ITIH4: variants seen among roughly 807,000 people sequenced by gnomAD.
ITIH4 encodes inter-alpha-trypsin inhibitor heavy chain H4.
Under a neutral mutation model 111.8 loss-of-function variants are expected in ITIH4, and 79 were observed. The ratio of observed to expected loss-of-function variants is 0.71; its 90% CI spans 0.59 to 0.85. The LOEUF (loss-of-function observed/expected upper bound fraction) is 0.85. Ranked by LOEUF, ITIH4 falls within the 40% of genes least tolerant of loss-of-function variation. ITIH4 has a pLI of 0.00. For missense variants in ITIH4, 1,065 were observed against 1,195.8 expected (o/e 0.89, Z 1.61); for synonymous variants, 472 against 468.3 (o/e 1.01, Z -0.10).
intron 14 of ITIH4, 50 bp downstream of exon 14, chr3:52,820,241 T>G: frequency 1.2e-6 from 2 of 1,613,116 alleles, no homozygotes; most frequent in Non-Finnish European, 1.7e-6. Context: ...CTGGACCCTG[T>G]GTTAGCAGAC....
At chr3:52,819,302 G>T in intron 17 of ITIH4, 91 bp downstream of exon 17, 1 of 1,467,500 alleles carries the variant, frequency 6.8e-7, no homozygotes, top group Non-Finnish European at 9.4e-7. Context: ...CTGGCCCTGT[G>T]GTGCGTGCTT....
At chr3:52,813,800 T>C (rs536106391) in intron 23 of ITIH4, among the ~76,000 whole-genome samples, 175 bp downstream of exon 23, 2 of 152,274 alleles carry the variant, frequency 1.3e-5, no homozygotes, top group Admixed American at 1.3e-4. Flanking sequence ...TGGCCATCCA[T>C]CTTTTGTGGG....
Position 52,824,726 on chromosome 3 carries a change from G to T in ITIH4, c.876+116C>A. 8.1e-7 allele frequency: 1 copy of T among 1,240,908 alleles called. No individual in the cohort carries two copies. Among genetic ancestry groups the T allele is most frequent in the Non-Finnish European group, 1.1e-6 (1 of 880,200 alleles). 76.9% of individuals were successfully genotyped at this position (1,240,908 alleles called of 1,614,324 possible). A position where few individuals can be genotyped will look rare whatever the true frequency, so the allele number is the denominator to read the frequency against. ...CTCTGGCCAACCTTGGTTCCTGAGAGCCACCCGCCCCATGGTGCCGAAAGG... is the reference window on the plus strand; with the variant it reads ...CTCTGGCCAACCTTGGTTCCTGAGATCCACCCGCCCCATGGTGCCGAAAGG... On this transcript the variant is annotated intron_variant, in intron 7 of 23. Coordinates refer to ENST00000266041, the MANE Select transcript of ITIH4 (RefSeq NM_002218.5). This position sits in a 1 kb window ranked among gnomAD's most constrained non-coding sequence, Gnocchi z 4.3.
chr3:52,826,158 G>C, intron 5 of ITIH4, 144 bp from the exon 6 acceptor site: 1 of 1,172,716 alleles, frequency 8.5e-7, no homozygotes, highest in Non-Finnish European at 1.2e-6. Context: ...TTCAGGCTGA[G>C]TTATTGATGG....
intron 6 of ITIH4, among the ~76,000 whole-genome samples, chr3:52,825,631 G>C (rs1274581881): frequency 6.6e-6 from 1 of 152,170 alleles, no homozygotes; most frequent in Non-Finnish European, 1.5e-5. Flanking sequence ...AAACTGAGTT[G>C]TGAGCCTCCC....
At chr3:52,821,782 C>T (rs1388121219) in intron 11 of ITIH4, among the ~76,000 whole-genome samples, 2 of 152,124 alleles carry the variant, frequency 1.3e-5, no homozygotes, top group African/African-American at 4.8e-5. Context: ...GAAATGGGCT[C>T]CTAGGGCAGA....
At chr3:52,829,019 C>T in intron 2 of ITIH4, 100 bp downstream of exon 2, 1 of 1,139,136 alleles carries the variant, frequency 8.8e-7, no homozygotes, top group African/African-American at 1.6e-5. Flanking sequence ...GATGTACACC[C>T]TGGCATGCCT....
rs1380447660 is a variant in ITIH4, at chr3:52,824,222, AT to A, written c.1138del (p.Ile380SerfsTer27). 2.5e-6 allele frequency: 4 copies of A among 1,613,330 alleles called. No individual in the cohort carries two copies. The highest frequency in any genetic ancestry group is 3.4e-6 in the Non-Finnish European group (4 of 1,180,014). Reference protein sequence around the residue: ...ERLPEGSVSLIILLTDGDPTV... With the variant: ...ERLPEGSVSLXILLTDGDPTV... Reference sequence around the variant, plus strand: ...GGGGTCGCCATCGGTGAGCAGGATGATGAGTGAGACACTCCCTTCGGGCAGC... The same window carrying A: ...GGGGTCGCCATCGGTGAGCAGGATGAGAGTGAGACACTCCCTTCGGGCAGC... On this transcript the variant is annotated frameshift_variant, in exon 9 of 24. Transcript: ENST00000266041. LOFTEE classifies it high-confidence loss of function. This position sits in a 1 kb window ranked among gnomAD's most constrained non-coding sequence, Gnocchi z 4.3.
In ITIH4 at chr3:52,817,067, A is replaced by C; in HGVS notation, c.2297-9T>G. The stretch of plus-strand genomic sequence containing the variant: ...GCCAGTCACCTCAACCCCTGGGAGG[A>C]CCAGACCAGAGAGGTCATAGCTGGG... On this transcript the variant is annotated splice_polypyrimidine_tract_variant and intron_variant, in intron 20 of 23. Transcript: ENST00000266041. The C allele has an allele frequency of 1.9e-6, 3 of 1,611,192 alleles. No individual in the cohort carries two copies. Among genetic ancestry groups the C allele is most frequent in the Non-Finnish European group, 2.5e-6 (3 of 1,178,524 alleles).
At chr3:52,823,331 T>G (rs980200300) in intron 11 of ITIH4, 1 of 558,796 alleles carries the variant, frequency 1.8e-6, no homozygotes, top group African/African-American at 1.9e-5. Context: ...ATCCCTGCCC[T>G]CACCTGTGCT....
rs1324550630 is a variant in ITIH4, at chr3:52,824,721, T to C, written c.876+121A>G. On this transcript the variant is annotated intron_variant, in intron 7 of 23. Transcript: ENST00000266041. This position sits in a 1 kb window ranked among gnomAD's most constrained non-coding sequence, Gnocchi z 4.3. ...CTAGGCTCTGGCCAACCTTGGTTCC[T>C]GAGAGCCACCCGCCCCATGGTGCCG... The C allele has an allele frequency of 1.3e-5, 16 of 1,246,108 alleles. No individual in the cohort carries two copies. The Admixed American group carries it at 2.9e-4, about 23-fold the overall frequency. The allele number at this position is 1,246,108 out of a possible 1,614,324, so 77.2% of individuals were successfully genotyped here. A position where few individuals can be genotyped will look rare whatever the true frequency, so the allele number is the denominator to read the frequency against.
chr3:52,826,602 T>C lies in ITIH4; in HGVS notation c.569A>G (p.Glu190Gly). 6.2e-7 allele frequency: 1 copy of C among 1,614,078 alleles called. No homozygotes were observed. The highest frequency in any genetic ancestry group is 8.5e-7 in the Non-Finnish European group (1 of 1,179,978). ...EPQGISFLET[E>G]STFMTNQLVD... Reference sequence around the variant, plus strand: ...CAGCTGGTTGGTCATGAAGGTGCTCTCTGTCTCCAGAAAGCTGATGCCCTG... The same window carrying C: ...CAGCTGGTTGGTCATGAAGGTGCTCCCTGTCTCCAGAAAGCTGATGCCCTG... Residue 190 changes from glutamate to glycine, a missense_variant, in exon 5 of 24, where the codon GAG (glutamate) becomes GGG (glycine). Transcript: ENST00000266041.
intron 5 of ITIH4, 37 bp from the exon 6 acceptor site, chr3:52,826,051 G>A (rs1437588892): frequency 6.2e-7 from 1 of 1,612,370 alleles, no homozygotes; most frequent in Non-Finnish European, 8.5e-7. Flanking sequence ...GGGAGGAACA[G>A]CAAAGCCAGG....
rs1456060999 is a variant in ITIH4 at position 52,830,661 on chromosome 3, C to A, written c.-19G>T. 13 of 1,587,882 alleles carry A rather than the reference C, an allele frequency of 8.2e-6. No homozygotes were observed. Among genetic ancestry groups the A allele is most frequent in the Non-Finnish European group, 1.1e-5 (13 of 1,163,870 alleles). On this transcript the variant is annotated 5_prime_UTR_variant, in exon 1 of 24. Coordinates refer to ENST00000266041, the MANE Select transcript of ITIH4 (RefSeq NM_002218.5). ...GCTTCATCGTGGCTCCAGTGTCTGC[C>A]AGGAGGCTTCTGAACTCGACAGCAA...
chr3:52,821,627 G>T (rs1311066511), intron 11 of ITIH4, among the ~76,000 whole-genome samples: 1 of 152,170 alleles, frequency 6.6e-6, no homozygotes, highest in Non-Finnish European at 1.5e-5. Flanking sequence ...CACCCCAACG[G>T]CTGTCCCTGT....
At position 52,823,575 on chromosome 3, in the gene ITIH4, G is replaced by C. The variant is rs1438645758; in HGVS notation, c.1520C>G (p.Ala507Gly). ...ACTCACCAGCTTCCCACTGACTGTGGCTGTGAGCACATCAGGCCCCCGGTC... is the reference window on the plus strand; with the variant it reads ...ACTCACCAGCTTCCCACTGACTGTGCCTGTGAGCACATCAGGCCCCCGGTC... ...LQDRGPDVLT[A>G]TVSGKLPTQN... is the part of the protein sequence containing the mutation. The change falls in exon 11 of 24, where the codon GCC (alanine) becomes GGC (glycine). Residue 507 changes from alanine to glycine, a missense_variant. Ala to Gly is a moderately conservative substitution (Grantham distance 60, BLOSUM62 0). Transcript: ENST00000266041. The C allele has an allele frequency of 1.9e-6, 3 of 1,610,370 alleles. No homozygotes were observed.
At chr3:52,813,625 G>C in intron 23 of ITIH4, 135 bp from the exon 24 acceptor site, 1 of 760,190 alleles carries the variant, frequency 1.3e-6, no homozygotes, top group Non-Finnish European at 2.3e-6. Context: ...CTCCAGCATA[G>C]GCCAACAAGG....
Position 52,824,461 on chromosome 3 carries a change from C to T in ITIH4, c.981G>A (p.Val327=), listed in dbSNP as rs1277102667. The change falls in exon 8 of 24, where the codon GTG becomes GTA. Residue 327 remains valine, a synonymous_variant. Transcript: ENST00000266041. This position sits in a 1 kb window ranked among gnomAD's most constrained non-coding sequence, Gnocchi z 4.3. ...TEATQWRPSL[V]PASAENVNKA... is the part of the protein sequence containing the mutation. ...TGTTCACGTTCTCGGCTGAGGCTGGCACCAGTGATGGCCTCCACTGAGTTG... is the reference window on the plus strand; with the variant it reads ...TGTTCACGTTCTCGGCTGAGGCTGGTACCAGTGATGGCCTCCACTGAGTTG... 3 of 1,614,208 alleles carry T rather than the reference C, an allele frequency of 1.9e-6. No individual in the cohort carries two copies. The South Asian group carries it at 3.3e-5, about 18-fold the overall frequency.
intron 2 of ITIH4, 40 bp downstream of exon 2, chr3:52,829,079 G>T: frequency 1.3e-6 from 2 of 1,546,848 alleles, no homozygotes; most frequent in Non-Finnish European, 1.8e-6. Flanking sequence ...TCATAGCACT[G>T]GGGGGTGTGG....
Sources: allele counts gnomAD v4.1 joint callset (sites outside exome capture counted in the v4.1 genomes callset), GRCh38; gene constraint gnomAD v4.1.1; non-coding constraint Gnocchi (gnomAD v3.1); transcripts MANE v1.5; gene names NCBI Gene and HGNC (gene_info 2026-07-23, HGNC 2026-07-21).